Variants in LTBP1 observed in about 807,000 individuals in gnomAD.
The protein encoded by LTBP1 is latent-transforming growth factor beta-binding protein 1.
Under a neutral mutation model 207.6 loss-of-function variants are expected in LTBP1, and 129 were observed. The ratio of observed to expected loss-of-function variants is 0.62; its 90% confidence interval spans 0.54 to 0.72. The LOEUF (loss-of-function observed/expected upper bound fraction) is 0.72, where lower values mean the gene tolerates loss of function less well. LTBP1 is among the 30% of genes least tolerant of loss of function. LTBP1 has a pLI of 0.00. For synonymous variants in LTBP1, 963 were observed against 833.7 expected (o/e 1.16, Z -2.67); for missense variants, 2,281 against 2,217.2 (o/e 1.03, Z -0.58).
intron 9 of LTBP1, among the ~76,000 whole-genome samples, chr2:33,229,958 C>T (rs2091693673): frequency 6.6e-6 from 1 of 152,202 alleles, no homozygotes; most frequent in Non-Finnish European, 1.5e-5. Flanking sequence ...AATATGATTT[C>T]ATTCAGTAAA....
At chr2:33,050,232 C>T (rs780205769) in intron 3 of LTBP1, among the ~76,000 whole-genome samples, 8 of 149,268 alleles carry the variant, frequency 5.4e-5, no homozygotes, top group Non-Finnish European at 1.2e-4. Context: ...CTGCTGAGAA[C>T]CTTTTAATAA....
rs1688547456 is a variant in LTBP1, at chr2:33,017,478, A to G, written c.566-3431A>G. ...ATATGTAGTTTCAAAGTTTTCCCGG[A>G]TGATACTGCCGGCCTGGGCACCATA... On this transcript the variant is annotated intron_variant, in intron 2 of 33. Coordinates refer to ENST00000404816, the MANE Select transcript of LTBP1 (RefSeq NM_206943.4). 3.3e-5 allele frequency among the ~76,000 whole-genome samples: 5 copies of G among 152,140 alleles called. No individual in the cohort carries two copies. In the South Asian group the frequency reaches 1.0e-3, roughly 32 times the overall value.
intron 5 of LTBP1, among the ~76,000 whole-genome samples, chr2:33,161,733 C>T (rs955767502): frequency 2.6e-5 from 4 of 152,090 alleles, no homozygotes; most frequent in Non-Finnish European, 5.9e-5. Flanking sequence ...AATTTATTAA[C>T]AAAGAAAGTA....
intron 3 of LTBP1, among the ~76,000 whole-genome samples, chr2:33,068,877 T>A (rs1198476366): frequency 1.3e-5 from 2 of 152,250 alleles, no homozygotes; most frequent in Admixed American, 1.3e-4. Flanking sequence ...TATTGCCTTT[T>A]GGCCCACAAC....
intron 33 of LTBP1, among the ~76,000 whole-genome samples, chr2:33,397,584 T>A (rs1267794943): frequency 2.0e-5 from 3 of 146,554 alleles, no homozygotes; most frequent in Non-Finnish European, 4.5e-5. Flanking sequence ...CTTGACTCAC[T>A]GCAACTTCTG....
intron 19 of LTBP1, among the ~76,000 whole-genome samples, chr2:33,288,601 A>G: frequency 6.6e-6 from 1 of 152,132 alleles, no homozygotes; most frequent in East Asian, 1.9e-4. Flanking sequence ...CACGCCTGTA[A>G]TCTCAGCACT....
intron 31 of LTBP1, among the ~76,000 whole-genome samples, chr2:33,367,044 C>G (rs1421786873): frequency 6.6e-6 from 1 of 152,124 alleles, no homozygotes; most frequent in Non-Finnish European, 1.5e-5. Flanking sequence ...TCACTTTTGA[C>G]AGTTGGGTTT....
Position 33,134,978 on chromosome 2 carries a change from C to A in LTBP1, c.1201+18C>A. 6.3e-7 allele frequency: 1 copy of A among 1,587,682 alleles called. No homozygotes were observed. Among genetic ancestry groups the A allele is most frequent in the Non-Finnish European group, 8.6e-7 (1 of 1,166,614 alleles). ...CCGAGTGGGTGAGTTCCTCCACGGT[C>A]CCTAACTGTCCTTACTGAGTCGAGT... is the stretch of plus-strand genomic sequence containing the variant. On this transcript the variant is annotated intron_variant, in intron 5 of 33. Coordinates refer to ENST00000404816, the MANE Select transcript of LTBP1 (RefSeq NM_206943.4). This position sits in a 1 kb window ranked among gnomAD's most constrained non-coding sequence, Gnocchi z 4.4.
intron 3 of LTBP1, among the ~76,000 whole-genome samples, chr2:33,089,011 CCAGGTGTGGTGG>C (rs1424630133): frequency 2.0e-5 from 3 of 151,534 alleles, no homozygotes; most frequent in African/African-American, 7.3e-5. Flanking sequence ...CAAAAATTAG[CCAGGTGTGGTGG>C]CAGGTGCCTG....
At chr2:33,265,523 G>C (rs2093151847) in intron 15 of LTBP1, among the ~76,000 whole-genome samples, 1 of 152,120 alleles carries the variant, frequency 6.6e-6, no homozygotes. Flanking sequence ...ACCAAATATA[G>C]TATTTTTGAA....
At chr2:33,020,285 A>G (rs1475206329) in intron 2 of LTBP1, among the ~76,000 whole-genome samples, 1 of 152,152 alleles carries the variant, frequency 6.6e-6, no homozygotes, top group African/African-American at 2.4e-5. Flanking sequence ...GATAGCCTAT[A>G]CAACATGAGG....
At chr2:33,247,196 T>C (rs969444253) in intron 10 of LTBP1, among the ~76,000 whole-genome samples, 1 of 152,238 alleles carries the variant, frequency 6.6e-6, no homozygotes, top group Admixed American at 6.5e-5. Flanking sequence ...AGAGAAGATG[T>C]GCTCAGGAAC....
At chr2:33,370,740 T>C (rs2095058017) in intron 31 of LTBP1, among the ~76,000 whole-genome samples, 1 of 152,210 alleles carries the variant, frequency 6.6e-6, no homozygotes, top group African/African-American at 2.4e-5. Context: ...ACTGGACTAA[T>C]CCCAGCCTGT....
chr2:33,130,953 T>G (rs2081755451), intron 4 of LTBP1, among the ~76,000 whole-genome samples: 1 of 152,202 alleles, frequency 6.6e-6, no homozygotes, highest in Non-Finnish European at 1.5e-5. Context: ...CCCTGTTAAC[T>G]CCTGACTGGC....
At chr2:33,349,911 T>C (rs2094757373) in intron 26 of LTBP1, among the ~76,000 whole-genome samples, 1 of 152,214 alleles carries the variant, frequency 6.6e-6, no homozygotes, top group Non-Finnish European at 1.5e-5. Context: ...CAGAAGTGTG[T>C]GGACCTCTGC....
chr2:33,270,195 C>T (rs2093285977), intron 15 of LTBP1, among the ~76,000 whole-genome samples: 1 of 151,824 alleles, frequency 6.6e-6, no homozygotes, highest in African/African-American at 2.4e-5. Flanking sequence ...GCTGGGATTA[C>T]AGACGTGAGC....
At chr2:33,204,546 A>G (rs1045784826) in intron 7 of LTBP1, among the ~76,000 whole-genome samples, 7 of 152,028 alleles carry the variant, frequency 4.6e-5, no homozygotes, top group African/African-American at 1.7e-4. Flanking sequence ...TGGTCTTAAC[A>G]TTCTGTGGCT....
At chr2:33,223,209 A>G (rs56163907) in intron 9 of LTBP1, among the ~76,000 whole-genome samples, 62,562 of 152,126 alleles carry the variant, frequency 0.41, 13,964 homozygotes, top group Non-Finnish European at 0.5. Context: ...ACCCTATTCA[A>G]ATGGCTCATG....
At chr2:33,319,980 C>T (rs148470320) in intron 24 of LTBP1, among the ~76,000 whole-genome samples, 1 of 152,308 alleles carries the variant, frequency 6.6e-6, no homozygotes, top group East Asian at 1.9e-4. Flanking sequence ...GTGTGCCATC[C>T]ACTGTTCTAG....
Sources: allele counts gnomAD v4.1 joint callset (sites outside exome capture counted in the v4.1 genomes callset), GRCh38; gene constraint gnomAD v4.1.1; non-coding constraint Gnocchi (gnomAD v3.1); transcripts MANE v1.5; gene names NCBI Gene and HGNC (gene_info 2026-07-23, HGNC 2026-07-21).